Variants in DDR1 observed in about 807,000 individuals in gnomAD.
DDR1 encodes discoidin domain receptor tyrosine kinase 1.
A neutral mutation model predicts 97.4 loss-of-function variants in DDR1; 64 were observed. The ratio of observed to expected loss-of-function variants is 0.66; its 90% confidence interval spans 0.54 to 0.81. The LOEUF (loss-of-function observed/expected upper bound fraction) is 0.81. DDR1 is among the 30% of genes least tolerant of loss of function. The pLI is 0.00. For missense variants in DDR1, 990 were observed against 1,259.6 expected, an observed-to-expected ratio of 0.79 and a Z score of 3.24; for synonymous variants, 458 against 503.7, an observed-to-expected ratio of 0.91 and a Z score of 1.21.
At chr6:30,893,226 C>T in intron 9 of DDR1, 46 bp from the exon 10 acceptor site, 1 of 1,594,756 alleles carries the variant, frequency 6.3e-7, no homozygotes, top group South Asian at 1.1e-5. Context: ...TCCCCCTCGG[C>T]TAGGGTGGGA....
rs1314118086 is a variant in DDR1 at position 30,899,817 on chromosome 6, CCT to C, written c.*523_*524del. The C allele has an allele frequency of 1.6e-5, 6 of 369,722 alleles. No individual in the cohort carries two copies. The highest frequency in any genetic ancestry group is 3.0e-5 in the Non-Finnish European group (6 of 197,686). The allele number at this position is 369,722 out of a possible 1,614,324, so 22.9% of individuals were successfully genotyped here. Reference sequence around the variant, plus strand: ...TACTTGTCCTCAGCTTGGGCTTCTTCCTCCTCCATCACCTGAAACACTGGACC... The same window carrying C: ...TACTTGTCCTCAGCTTGGGCTTCTTCCCTCCATCACCTGAAACACTGGACC... On this transcript the variant is annotated 3_prime_UTR_variant, in exon 18 of 18. Coordinates refer to ENST00000376568, the MANE Select transcript of DDR1 (RefSeq NM_001297654.2).
At chr6:30,896,901 G>T in intron 13 of DDR1, 36 bp downstream of exon 13, 2 of 1,562,262 alleles carry the variant, frequency 1.3e-6, no homozygotes, top group Middle Eastern at 1.7e-4. Flanking sequence ...TGGCCCTATT[G>T]TGTGCTCTGA....
At chr6:30,885,071 C>G in intron 1 of DDR1, 1 of 836,888 alleles carries the variant, frequency 1.2e-6, no homozygotes, top group Non-Finnish European at 1.9e-6. Context: ...TGGCCAGTCC[C>G]TGCGGGCATC....
At position 30,894,477 on chromosome 6, in the gene DDR1, C is replaced by T. The variant is rs144057500; in HGVS notation, c.1348-29C>T. 8.2e-4 allele frequency: 1,297 copies of T among 1,583,172 alleles called. 1 individual carries two copies. The highest frequency in any genetic ancestry group is 1.1e-3 in the Non-Finnish European group (1,228 of 1,162,654). The stretch of plus-strand genomic sequence containing the variant: ...GCCAGGCCGTGTGTGCTGAGCAACA[C>T]GGGTGATGCCTCCCATCCCTATGAC... On this transcript the variant is annotated intron_variant, in intron 10 of 17. Transcript: ENST00000376568. This position sits in a 1 kb window ranked among gnomAD's most constrained non-coding sequence, Gnocchi z 5.7.
intron 11 of DDR1, 96 bp from the exon 12 acceptor site, chr6:30,895,308 C>T: frequency 2.4e-6 from 2 of 825,622 alleles, no homozygotes; most frequent in South Asian, 1.7e-5. Context: ...GCAATCATCC[C>T]ATCAGCCCTG....
At chr6:30,895,128 A>ATCCATCTATATTCACACATCCATCTT (rs1176313358) in intron 11 of DDR1, among the ~76,000 whole-genome samples, 10 of 151,932 alleles carry the variant, frequency 6.6e-5, no homozygotes, top group African/African-American at 2.4e-4. Context: ...TCATCCATCT[A>ATCCATCTATATTCACACATCCATCTT]TCCATCTATA....
chr6:30,897,224 C>A lies in DDR1; in HGVS notation c.1997+83C>A. ...CCATCTAGAGAGAACAATGGCAGAGCCCAACAGAGGGGTGGCATCTCTGGG... is the reference window on the plus strand; with the variant it reads ...CCATCTAGAGAGAACAATGGCAGAGACCAACAGAGGGGTGGCATCTCTGGG... On this transcript the variant is annotated intron_variant, in intron 14 of 17. Coordinates refer to ENST00000376568, the MANE Select transcript of DDR1 (RefSeq NM_001297654.2). This position sits in a 1 kb window ranked among gnomAD's most constrained non-coding sequence, Gnocchi z 5.2. 6.4e-7 allele frequency: 1 copy of A among 1,572,188 alleles called. No individual in the cohort carries two copies. The highest frequency in any genetic ancestry group is 8.6e-7 in the Non-Finnish European group (1 of 1,158,726).
rs1787712557 is a variant in DDR1, at chr6:30,890,571, C to G, written c.418-402C>G. The stretch of plus-strand genomic sequence containing the variant: ...TTCACCACTGAGAACGCGCCTGGCA[C>G]AGAGCGGGCACTCAGCCAACTTCTG... On this transcript the variant is annotated intron_variant, in intron 4 of 17. Transcript: ENST00000376568. The surrounding 1 kb of genome is among the most constrained non-coding windows in gnomAD (Gnocchi z 5.0). 5.5e-6 allele frequency: 1 copy of G among 182,776 alleles called. No individual in the cohort carries two copies. The highest frequency in any genetic ancestry group is 1.8e-4 in the South Asian group (1 of 5,566). The allele number at this position is 182,776 out of a possible 1,614,324, so 11.3% of individuals were successfully genotyped here. A position where few individuals can be genotyped will look rare whatever the true frequency, so the allele number is the denominator to read the frequency against.
upstream of DDR1, chr6:30,883,100 G>A (rs1473009433): frequency 7.9e-5 from 12 of 152,362 alleles, no homozygotes; most frequent in Admixed American, 6.5e-4. This position sits in a 1 kb window ranked among gnomAD's most constrained non-coding sequence, Gnocchi z 4.9. Context: ...CCGTTGGAAC[G>A]TCCTTGGGCT....
intron 12 of DDR1, 75 bp downstream of exon 12, chr6:30,895,589 G>A: frequency 1.1e-6 from 1 of 922,450 alleles, no homozygotes; most frequent in Non-Finnish European, 1.6e-6. Flanking sequence ...CTCACACCTT[G>A]CACTTCCTCC....
chr6:30,884,161 A>G (rs1209292426), upstream of DDR1: 1 of 150,006 alleles, frequency 6.7e-6, no homozygotes, highest in African/African-American at 2.5e-5. The surrounding 1 kb of genome is among the most constrained non-coding windows in gnomAD (Gnocchi z 6.1). Context: ...CGTTTGGGGA[A>G]GCGGGGGTGG....
rs1785709188 is a variant in DDR1, at chr6:30,886,098, T to C, written c.-43+1388T>C. Among the ~76,000 whole-genome samples, 1 of 152,102 alleles carries C rather than the reference T, an allele frequency of 6.6e-6. No individual in the cohort carries two copies. Among genetic ancestry groups the C allele is most frequent in the African/African-American group, 2.4e-5 (1 of 41,408 alleles). ...GACAGCCCAGACGTCTCTGTGCTTC[T>C]CCGTGTTCCTCTGCTTGGCTCTGTG... On this transcript the variant is annotated intron_variant, in intron 1 of 17. Coordinates refer to ENST00000376568, the MANE Select transcript of DDR1 (RefSeq NM_001297654.2). This position sits in a 1 kb window ranked among gnomAD's most constrained non-coding sequence, Gnocchi z 4.6.
intron 1 of DDR1, chr6:30,885,157 C>A: frequency 6.6e-7 from 1 of 1,518,212 alleles, no homozygotes; most frequent in Non-Finnish European, 8.8e-7. Context: ...GGGACTGCCA[C>A]TCTAACCCAC....
At position 30,888,664 on chromosome 6, in the gene DDR1, C is replaced by T; in HGVS notation, c.-42-24C>T. On this transcript the variant is annotated intron_variant, in intron 1 of 17. Coordinates refer to ENST00000376568, the MANE Select transcript of DDR1 (RefSeq NM_001297654.2). The surrounding 1 kb of genome is among the most constrained non-coding windows in gnomAD (Gnocchi z 4.2). ...GACTCAGTCCCCTGATTAACTTACG[C>T]ACCACCCATTTTATCCCCTGCAGAG... 1 of 1,597,148 alleles carries T rather than the reference C, an allele frequency of 6.3e-7. No homozygotes were observed. The highest frequency in any genetic ancestry group is 2.2e-5 in the East Asian group (1 of 44,600).
chr6:30,897,239 GCATCT>G lies in DDR1; in HGVS notation c.1997+100_1997+104del. The G allele has an allele frequency of 6.6e-7, 1 of 1,519,000 alleles. No homozygotes were observed. The highest frequency in any genetic ancestry group is 8.8e-7 in the Non-Finnish European group (1 of 1,133,334). 94.1% of individuals were successfully genotyped at this position (1,519,000 alleles called of 1,614,324 possible). On this transcript the variant is annotated intron_variant, in intron 14 of 17. Transcript: ENST00000376568. The surrounding 1 kb of genome is among the most constrained non-coding windows in gnomAD (Gnocchi z 5.2). ...AATGGCAGAGCCCAACAGAGGGGTG[GCATCT>G]CTGGGAGGGGATTTACATGTACGCT...
At chr6:30,893,001 T>C (rs1789137813) in intron 8 of DDR1, 67 bp from the exon 9 acceptor site, 14 of 1,370,690 alleles carry the variant, frequency 1.0e-5, no homozygotes, top group Non-Finnish European at 1.4e-5. Flanking sequence ...AACAGTCCAC[T>C]GCCTCTGCCT....
rs1786732666 is a variant in DDR1, at chr6:30,888,547, A to G, written c.-42-141A>G. The G allele has an allele frequency of 1.0e-6, 1 of 987,590 alleles. No individual in the cohort carries two copies. Among genetic ancestry groups the G allele is most frequent in the Non-Finnish European group, 1.5e-6 (1 of 685,006 alleles). 61.2% of individuals were successfully genotyped at this position (987,590 alleles called of 1,614,324 possible). The stretch of plus-strand genomic sequence containing the variant: ...TCTGGCACAGGGGAAGCATTCTAAA[A>G]ATATAGCTGATGCTGTTAAACAATG... On this transcript the variant is annotated intron_variant, in intron 1 of 17. Transcript: ENST00000376568. This position sits in a 1 kb window ranked among gnomAD's most constrained non-coding sequence, Gnocchi z 4.2.
Position 30,897,306 on chromosome 6 carries a change from G to A in DDR1, c.1998-73G>A, listed in dbSNP as rs1367811791. On this transcript the variant is annotated intron_variant, in intron 14 of 17. Coordinates refer to ENST00000376568, the MANE Select transcript of DDR1 (RefSeq NM_001297654.2). This position sits in a 1 kb window ranked among gnomAD's most constrained non-coding sequence, Gnocchi z 5.2. ...CGCCTGGTCTGCCTGAGGTGGGGCA[G>A]GGGGGTGGGGGCGCGGGGGAAGGTG... is the stretch of plus-strand genomic sequence containing the variant. 4.5e-5 allele frequency: 66 copies of A among 1,470,006 alleles called. No homozygotes were observed. In the Admixed American group the frequency reaches 5.3e-4, roughly 12 times the overall value. 91.1% of individuals were successfully genotyped at this position (1,470,006 alleles called of 1,614,324 possible). A position where few individuals can be genotyped will look rare whatever the true frequency, so the allele number is the denominator to read the frequency against.
At chr6:30,884,355 G>A (rs1357819048), upstream of DDR1, 1 of 151,892 alleles carries the variant, frequency 6.6e-6, no homozygotes, top group South Asian at 1.8e-4. The surrounding 1 kb of genome is among the most constrained non-coding windows in gnomAD (Gnocchi z 6.1). Flanking sequence ...CCGGGCGTGG[G>A]AGCCACTGGG....
Sources: allele counts gnomAD v4.1 joint callset (sites outside exome capture counted in the v4.1 genomes callset), GRCh38; gene constraint gnomAD v4.1.1; non-coding constraint Gnocchi (gnomAD v3.1); transcripts MANE v1.5; gene names NCBI Gene and HGNC (gene_info 2026-07-23, HGNC 2026-07-21).